IGF2: variants seen among roughly 807,000 people sequenced by gnomAD.
IGF2 encodes insulin like growth factor 2.
IGF2 carries 2 observed loss-of-function variants against 12.0 expected under a neutral mutation model. That is an observed-to-expected ratio of 0.17 (90% CI 0.07 to 0.52). IGF2 has a LOEUF of 0.52. IGF2 is among the 20% of genes least tolerant of loss of function. The probability of loss-of-function intolerance (pLI) is 0.95; values close to 1 mark genes in which losing one functional copy is unlikely to be tolerated. For missense variants in IGF2, 211 were observed against 268.0 expected (o/e 0.79, Z 1.48); for synonymous variants, 105 against 110.1 (o/e 0.95, Z 0.29).
chr11:2,145,967 G>A (rs1306920105), upstream of IGF2, among the ~76,000 whole-genome samples: 1 of 152,056 alleles, frequency 6.6e-6, no homozygotes, highest in Non-Finnish European at 1.5e-5. Flanking sequence ...AGGGTGTTGG[G>A]AGGGGGCCAG....
rs1858753614 is a variant in IGF2 at position 2,133,345 on chromosome 11, C to T, written c.307-122G>A. 1.0e-6 allele frequency: 1 copy of T among 999,182 alleles called. No homozygotes were observed. The highest frequency in any genetic ancestry group is 1.6e-5 in the African/African-American group (1 of 60,966). 61.9% of individuals were successfully genotyped at this position (999,182 alleles called of 1,614,324 possible). ...AGTGACTTGAGCTAATGTCCACGGGCAGAGGGACAGAAGGAGCCAGCGTCT... is the reference window on the plus strand; with the variant it reads ...AGTGACTTGAGCTAATGTCCACGGGTAGAGGGACAGAAGGAGCCAGCGTCT... On this transcript the variant is annotated intron_variant, in intron 3 of 3. Coordinates refer to ENST00000416167, the MANE Select transcript of IGF2 (RefSeq NM_000612.6). The surrounding 1 kb of genome is among the most constrained non-coding windows in gnomAD (Gnocchi z 8.9).
chr11:2,144,240 C>T (rs1019322964), upstream of IGF2, among the ~76,000 whole-genome samples: 24 of 152,298 alleles, frequency 1.6e-4, no homozygotes, highest in African/African-American at 5.8e-4. Context: ...TCCCAGATAC[C>T]TGCTCGGTCC....
rs1296401534 is a variant in IGF2 at position 2,135,262 on chromosome 11, G to A, written c.157+105C>T. On this transcript the variant is annotated intron_variant, in intron 2 of 3. Coordinates refer to ENST00000416167, the MANE Select transcript of IGF2 (RefSeq NM_000612.6). ...GGTCAAAGTCTCAGAGCAAGCGGCTGGGCTGCTGACCTAGGAGTGTGCTCC... is the reference window on the plus strand; with the variant it reads ...GGTCAAAGTCTCAGAGCAAGCGGCTAGGCTGCTGACCTAGGAGTGTGCTCC... 5 of 1,049,102 alleles carry A rather than the reference G, an allele frequency of 4.8e-6. No individual in the cohort carries two copies. In the East Asian group the frequency reaches 1.4e-4, roughly 29 times the overall value. 65.0% of individuals were successfully genotyped at this position (1,049,102 alleles called of 1,614,324 possible). A position where few individuals can be genotyped will look rare whatever the true frequency, so the allele number is the denominator to read the frequency against.
At chr11:2,137,537 G>A (rs1402919893) in intron 1 of IGF2, among the ~76,000 whole-genome samples, 1 of 151,822 alleles carries the variant, frequency 6.6e-6, no homozygotes, top group Non-Finnish European at 1.5e-5. Flanking sequence ...GAAGGGGGGG[G>A]GGGTCTCCTT....
upstream of IGF2, chr11:2,140,730 G>T: frequency 2.6e-6 from 1 of 381,970 alleles, no homozygotes; most frequent in Non-Finnish European, 4.9e-6. Context: ...CGTGTCCCGC[G>T]CCCCACGCCG....
chr11:2,142,047 AG>A (rs999574229), upstream of IGF2, among the ~76,000 whole-genome samples: 1 of 152,186 alleles, frequency 6.6e-6, no homozygotes, highest in African/African-American at 2.4e-5. The surrounding 1 kb of genome is among the most constrained non-coding windows in gnomAD (Gnocchi z 5.7). Context: ...AAACCTAGTT[AG>A]TAGCTAGGAA....
Position 2,133,702 on chromosome 11 carries a change from A to C in IGF2, c.158-37T>G. On this transcript the variant is annotated intron_variant, in intron 2 of 3. Transcript: ENST00000416167. The surrounding 1 kb of genome is among the most constrained non-coding windows in gnomAD (Gnocchi z 8.9). ...ACAGCACAGAGAGAGCCGTGTTAGC[A>C]CCGCACTGACCCCAGCCCCCGGAGG... 1.2e-6 allele frequency: 2 copies of C among 1,608,654 alleles called. No homozygotes were observed. The highest frequency in any genetic ancestry group is 1.3e-5 in the African/African-American group (1 of 74,886).
upstream of IGF2, among the ~76,000 whole-genome samples, chr11:2,144,184 C>T (rs1360776694): frequency 3.9e-5 from 6 of 152,186 alleles, no homozygotes; most frequent in Non-Finnish European, 8.8e-5. Context: ...AACCCAAGGG[C>T]CGCGAGGGAG....
chr11:2,140,487 G>A (rs1859493493), upstream of IGF2: 3 of 573,764 alleles, frequency 5.2e-6, no homozygotes, highest in Admixed American at 1.0e-4. Context: ...CTTCGCCCGC[G>A]CTCCGCGCGC....
rs983069314 is a variant in IGF2, at chr11:2,129,330, C to G, written c.*3657G>C. The G allele has an allele frequency of 4.5e-6, 1 of 220,184 alleles. No individual in the cohort carries two copies. Among genetic ancestry groups the G allele is most frequent in the East Asian group, 6.6e-5 (1 of 15,206 alleles). 13.6% of individuals were successfully genotyped at this position (220,184 alleles called of 1,614,324 possible). A position where few individuals can be genotyped will look rare whatever the true frequency, so the allele number is the denominator to read the frequency against. ...CAGAGGAGGGGACCCAAGAGGGGGC[C>G]CCCCACTGAAGACATTGGGGACACG... is the stretch of plus-strand genomic sequence containing the variant. On this transcript the variant is annotated 3_prime_UTR_variant, in exon 4 of 4. Transcript: ENST00000416167. This position sits in a 1 kb window ranked among gnomAD's most constrained non-coding sequence, Gnocchi z 8.1.
At chr11:2,144,092 T>TA (rs2133628378), upstream of IGF2, among the ~76,000 whole-genome samples, 1 of 152,220 alleles carries the variant, frequency 6.6e-6, no homozygotes, top group African/African-American at 2.4e-5. Context: ...GCTTTTATTT[T>TA]TTTTTTTCTT....
upstream of IGF2, among the ~76,000 whole-genome samples, chr11:2,144,246 G>A (rs148749891): frequency 0.025 from 3,856 of 152,248 alleles, 66 homozygotes; most frequent in Non-Finnish European, 0.038. Flanking sequence ...ATACCTGCTC[G>A]GTCCCCGCGT....
Position 2,133,753 on chromosome 11 carries a change from C to T in IGF2, c.158-88G>A. 1 of 1,516,384 alleles carries T rather than the reference C, an allele frequency of 6.6e-7. No homozygotes were observed. The highest frequency in any genetic ancestry group is 1.4e-5 in the African/African-American group (1 of 72,024). 93.9% of individuals were successfully genotyped at this position (1,516,384 alleles called of 1,614,324 possible). A position where few individuals can be genotyped will look rare whatever the true frequency, so the allele number is the denominator to read the frequency against. ...CTGAAGGGGGAGCAAACCACCCCTG[C>T]CCTCAGGCCAGGCCCTGGAAGGACG... On this transcript the variant is annotated intron_variant, in intron 2 of 3. Transcript: ENST00000416167. The surrounding 1 kb of genome is among the most constrained non-coding windows in gnomAD (Gnocchi z 8.9).
rs1211311851 is a variant in IGF2 at position 2,135,230 on chromosome 11, G to T, written c.157+137C>A. On this transcript the variant is annotated intron_variant, in intron 2 of 3. Transcript: ENST00000416167. ...GACACCGCACGTGCTCAGAAACGCGGCGGGAAGGTCAAAGTCTCAGAGCAA... is the reference window on the plus strand; with the variant it reads ...GACACCGCACGTGCTCAGAAACGCGTCGGGAAGGTCAAAGTCTCAGAGCAA... 1.3e-5 allele frequency: 10 copies of T among 754,598 alleles called. No individual in the cohort carries two copies. The East Asian group carries it at 3.0e-4, about 23-fold the overall frequency. 46.7% of individuals were successfully genotyped at this position (754,598 alleles called of 1,614,324 possible). A position where few individuals can be genotyped will look rare whatever the true frequency, so the allele number is the denominator to read the frequency against.
chr11:2,140,397 C>T, upstream of IGF2: 2 of 1,193,340 alleles, frequency 1.7e-6, no homozygotes, highest in Non-Finnish European at 2.3e-6. Context: ...GCCGCCTAAG[C>T]CTAGCCAAGG....
chr11:2,137,348 ACCCTACC>A, intron 1 of IGF2: 2 of 714,490 alleles, frequency 2.8e-6, no homozygotes, highest in Non-Finnish European at 3.4e-6. Flanking sequence ...CCCGGGCTCC[ACCCTACC>A]CCCCACCCCT....
Position 2,133,252 on chromosome 11 carries a change from T to C in IGF2, c.307-29A>G. ...GGAGGGGAAGGGGCTGGTCAGCAGG[T>C]GCCTGCTCTCCACGCTCTTCCGCCT... On this transcript the variant is annotated intron_variant, in intron 3 of 3. Coordinates refer to ENST00000416167, the MANE Select transcript of IGF2 (RefSeq NM_000612.6). This position sits in a 1 kb window ranked among gnomAD's most constrained non-coding sequence, Gnocchi z 8.9. 2.8e-6 allele frequency: 4 copies of C among 1,430,608 alleles called. No individual in the cohort carries two copies. Among genetic ancestry groups the C allele is most frequent in the Non-Finnish European group, 3.8e-6 (4 of 1,053,824 alleles). The allele number at this position is 1,430,608 out of a possible 1,614,324, so 88.6% of individuals were successfully genotyped here.
the IGF2 span, chr11:2,147,570 C>T: frequency 2.5e-6 from 3 of 1,213,272 alleles, no homozygotes; most frequent in Non-Finnish European, 3.1e-6. This position sits in a 1 kb window ranked among gnomAD's most constrained non-coding sequence, Gnocchi z 7.2. Flanking sequence ...ACTCACCTCT[C>T]TGCCTCGCAG....
At chr11:2,136,832 G>C (rs953696460) in intron 1 of IGF2, among the ~76,000 whole-genome samples, 12 of 152,188 alleles carry the variant, frequency 7.9e-5, no homozygotes, top group Non-Finnish European at 1.0e-4. Flanking sequence ...TCTAGCCCTC[G>C]CCGCGCTTCC....
Sources: gnomAD v4.1 joint callset for allele counts (sites outside exome capture counted in the v4.1 genomes callset) on GRCh38, gnomAD v4.1.1 for gene constraint, Gnocchi (gnomAD v3.1) non-coding constraint, MANE v1.5 for transcripts, NCBI Gene and HGNC (gene_info 2026-07-23, HGNC 2026-07-21) for gene names.